MGMT: variants seen among roughly 807,000 people sequenced by gnomAD.
MGMT encodes the protein methylated-DNA--protein-cysteine methyltransferase.
A neutral mutation model predicts 15.9 loss-of-function variants in MGMT; 14 were observed. The observed-to-expected ratio is 0.88, with a 90% CI of 0.58 to 1.37. MGMT has a LOEUF of 1.37. Among genes scored for constraint, MGMT ranks in the 40% most tolerant of loss-of-function variants. MGMT has a pLI of 0.00. For missense variants in MGMT, 282 were observed against 268.1 expected (o/e 1.05, Z -0.36); for synonymous variants, 130 against 118.2 (o/e 1.10, Z -0.65).
intron 2 of MGMT, among the ~76,000 whole-genome samples, chr10:129,620,231 ACT>A (rs1191883559): frequency 8.5e-5 from 13 of 152,184 alleles, no homozygotes; most frequent in African/African-American, 1.9e-4. Flanking sequence ...TTTTAATATC[ACT>A]CTGTTAAATA....
rs1011412054 is a variant in MGMT, at chr10:129,770,513, T to C, written c.*3516T>C. Among the ~76,000 whole-genome samples the C allele has an allele frequency of 1.3e-5, 2 of 152,224 alleles. No homozygotes were observed. The highest frequency in any genetic ancestry group is 6.5e-5 in the Admixed American group (1 of 15,292). On this transcript the variant is annotated 3_prime_UTR_variant, in exon 5 of 5. Transcript: ENST00000651593. ...ATCTGCCGCTTGCTCACCTTGGCTG[T>C]CCATGCACCCGTAGCTGTGACCATG...
chr10:129,701,603 G>A (rs937194452), intron 2 of MGMT: 4 of 152,114 alleles, frequency 2.6e-5, no homozygotes, highest in Non-Finnish European at 5.9e-5. Context: ...TCAAGTTTTA[G>A]AATGTTGAGC....
At chr10:129,536,423 A>G in intron 2 of MGMT, 46 bp downstream of exon 2, 1 of 1,589,126 alleles carries the variant, frequency 6.3e-7, no homozygotes, top group Non-Finnish European at 8.6e-7. Context: ...ATGCTGAAGC[A>G]ACCGAGGAGT....
intron 2 of MGMT, among the ~76,000 whole-genome samples, chr10:129,693,230 C>A (rs1184968131): frequency 6.6e-6 from 1 of 152,182 alleles, no homozygotes; most frequent in Non-Finnish European, 1.5e-5. Flanking sequence ...GTCTGGGAGA[C>A]TTTTCCAAGA....
At position 129,767,308 on chromosome 10, in the gene MGMT, G is replaced by T. The variant is rs1027011743; in HGVS notation, c.*311G>T. ...GGCAGTCTGGCACCCTCAGGCCACA[G>T]ACGGCTGCCATAGCCGCTGTCCAGG... On this transcript the variant is annotated 3_prime_UTR_variant, in exon 5 of 5. Transcript: ENST00000651593. The T allele has an allele frequency of 4.4e-6, 1 of 229,066 alleles. No individual in the cohort carries two copies. Among genetic ancestry groups the T allele is most frequent in the African/African-American group, 2.3e-5 (1 of 43,738 alleles). The allele number at this position is 229,066 out of a possible 1,614,324, so 14.2% of individuals were successfully genotyped here.
At chr10:129,714,274 T>G (rs1848267993) in intron 3 of MGMT, among the ~76,000 whole-genome samples, 2 of 152,260 alleles carry the variant, frequency 1.3e-5, no homozygotes, top group African/African-American at 4.8e-5. Context: ...TTGGTGAATT[T>G]CATGGGCCAA....
chr10:129,483,595 T>C (rs1473207179), intron 1 of MGMT, among the ~76,000 whole-genome samples: 1 of 152,222 alleles, frequency 6.6e-6, no homozygotes, highest in Non-Finnish European at 1.5e-5. Flanking sequence ...TGTTCTGCCT[T>C]GCATAGTTTC....
intron 2 of MGMT, among the ~76,000 whole-genome samples, chr10:129,541,665 C>A (rs556751015): frequency 6.6e-6 from 1 of 152,306 alleles, no homozygotes; most frequent in South Asian, 2.1e-4. Flanking sequence ...AGGGCTTACC[C>A]TTGTTTTTCA....
chr10:129,497,438 A>C (rs1845533464), intron 1 of MGMT, among the ~76,000 whole-genome samples: 2 of 152,178 alleles, frequency 1.3e-5, no homozygotes, highest in Admixed American at 1.3e-4. Context: ...TAGACCCTGC[A>C]TGTACATAGA....
intron 1 of MGMT, among the ~76,000 whole-genome samples, chr10:129,473,992 G>A (rs1631355): frequency 0.46 from 70,018 of 152,100 alleles, 18,235 homozygotes; most frequent in East Asian, 0.63. Context: ...GATTCCCTCT[G>A]AAACATTTGC....
At chr10:129,583,943 C>CGT (rs1471379249) in intron 2 of MGMT, among the ~76,000 whole-genome samples, 7 of 152,124 alleles carry the variant, frequency 4.6e-5, no homozygotes, top group African/African-American at 1.7e-4. Context: ...TGAGGCAGGA[C>CGT]GTGGAGCACC....
intron 2 of MGMT, among the ~76,000 whole-genome samples, chr10:129,553,447 G>A (rs1283753664): frequency 6.6e-6 from 1 of 152,186 alleles, no homozygotes; most frequent in Non-Finnish European, 1.5e-5. Context: ...CACCTTGCGA[G>A]CAGTGGTTTT....
chr10:129,495,943 A>G (rs1470237855), intron 1 of MGMT, among the ~76,000 whole-genome samples: 1 of 152,340 alleles, frequency 6.6e-6, no homozygotes, highest in South Asian at 2.1e-4. Flanking sequence ...GATGGATGGC[A>G]TGCAGCTGAC....
At chr10:129,627,018 C>T (rs893554325) in intron 2 of MGMT, among the ~76,000 whole-genome samples, 5 of 152,288 alleles carry the variant, frequency 3.3e-5, no homozygotes, top group Admixed American at 1.3e-4. Flanking sequence ...AGCTGCCACC[C>T]GCCGTGTCCC....
At chr10:129,716,705 A>T (rs1357353429) in intron 3 of MGMT, among the ~76,000 whole-genome samples, 1 of 152,182 alleles carries the variant, frequency 6.6e-6, no homozygotes, top group Non-Finnish European at 1.5e-5. Flanking sequence ...TGGGCCTTTG[A>T]TGTTCAAGAG....
chr10:129,759,435 C>T, intron 4 of MGMT, 94 bp downstream of exon 4: 1 of 1,575,020 alleles, frequency 6.3e-7, no homozygotes, highest in Admixed American at 1.7e-5. Context: ...GGAAGGCAGG[C>T]TGTGCTGCTG....
At chr10:129,506,248 C>G (rs1845624309) in intron 1 of MGMT, among the ~76,000 whole-genome samples, 1 of 152,096 alleles carries the variant, frequency 6.6e-6, no homozygotes, top group Non-Finnish European at 1.5e-5. Context: ...GTGGTTGAGA[C>G]AGTTCATTGG....
At chr10:129,588,524 C>T (rs77323148) in intron 2 of MGMT, among the ~76,000 whole-genome samples, 4,873 of 152,230 alleles carry the variant, frequency 0.032, 128 homozygotes, top group South Asian at 0.065. Flanking sequence ...TTCTGTGTCA[C>T]ATTCTTCCCA....
At chr10:129,509,610 C>T (rs1335667881) in intron 1 of MGMT, among the ~76,000 whole-genome samples, 2 of 152,206 alleles carry the variant, frequency 1.3e-5, no homozygotes, top group African/African-American at 4.8e-5. Context: ...CTAAGAAAGA[C>T]ATGCTGTGTT....
Sources: gnomAD v4.1 joint callset for allele counts (sites outside exome capture counted in the v4.1 genomes callset) on GRCh38, gnomAD v4.1.1 for gene constraint, MANE v1.5 for transcripts, NCBI Gene and HGNC (gene_info 2026-07-23, HGNC 2026-07-21) for gene names.